The following DENND2B variants were observed in gnomAD, a reference collection of about 807,000 sequenced individuals.
DENND2B encodes the protein DENN domain-containing protein 2B.
DENND2B carries 32 observed loss-of-function variants against 116.0 expected under a neutral mutation model. The observed-to-expected ratio is 0.28, with a 90% confidence interval of 0.21 to 0.37. The LOEUF (loss-of-function observed/expected upper bound fraction) is 0.37, where lower values mean the gene tolerates loss of function less well. Ranked by LOEUF, DENND2B falls within the 10% of genes least tolerant of loss-of-function variation. The probability of loss-of-function intolerance (pLI) is 1.00; values close to 1 mark genes in which losing one functional copy is unlikely to be tolerated. For missense variants in DENND2B, 1,276 were observed against 1,477.7 expected, an observed-to-expected ratio of 0.86 and a Z score of 2.24; for synonymous variants, 588 against 583.9, an observed-to-expected ratio of 1.01 and a Z score of -0.10.
chr11:8,841,058 C>A (rs2062606499), intron 3 of DENND2B, among the ~76,000 whole-genome samples: 1 of 152,170 alleles, frequency 6.6e-6, no homozygotes, highest in South Asian at 2.1e-4. Context: ...CCCAAACTGA[C>A]AAATATCAAG....
At chr11:8,726,233 C>A in intron 3 of DENND2B, 24 bp from the exon 4 acceptor site, 2 of 1,591,334 alleles carry the variant, frequency 1.3e-6, no homozygotes, top group South Asian at 2.3e-5. Flanking sequence ...GAGCAAGAGT[C>A]ATTCCTGCTG....
chr11:8,765,257 G>A (rs565025430), intron 1 of DENND2B, among the ~76,000 whole-genome samples: 88 of 152,284 alleles, frequency 5.8e-4, no homozygotes, highest in African/African-American at 1.9e-3. Flanking sequence ...GATGATGACC[G>A]AACTTGCCTC....
At chr11:8,709,955 A>G (rs1452884641) in intron 11 of DENND2B, among the ~76,000 whole-genome samples, 1 of 152,146 alleles carries the variant, frequency 6.6e-6, no homozygotes, top group Non-Finnish European at 1.5e-5. Flanking sequence ...TCATCTTTAT[A>G]TGAGCACGTG....
At chr11:8,708,643 G>C (rs985636510) in intron 11 of DENND2B, among the ~76,000 whole-genome samples, 6 of 152,168 alleles carry the variant, frequency 3.9e-5, no homozygotes, top group African/African-American at 1.4e-4. Flanking sequence ...AGGAGCAAAA[G>C]AAGAATGGGA....
intron 2 of DENND2B, among the ~76,000 whole-genome samples, chr11:8,734,417 T>C (rs903328481): frequency 6.6e-6 from 1 of 152,158 alleles, no homozygotes; most frequent in African/African-American, 2.4e-5. Context: ...TAGCCACTTA[T>C]AAGCTTCATG....
At chr11:8,750,145 G>A (rs920252429) in intron 2 of DENND2B, among the ~76,000 whole-genome samples, 2 of 152,216 alleles carry the variant, frequency 1.3e-5, no homozygotes, top group Non-Finnish European at 2.9e-5. Context: ...TTGGTAAGTG[G>A]TTAGAACCTG....
At chr11:8,886,697 C>T (rs913041076) in intron 1 of DENND2B, among the ~76,000 whole-genome samples, 2 of 151,378 alleles carry the variant, frequency 1.3e-5, no homozygotes, top group Admixed American at 6.6e-5. Flanking sequence ...GTGGTCTGTC[C>T]GTCACTTTTA....
upstream of DENND2B, among the ~76,000 whole-genome samples, chr11:8,815,327 G>A (rs2061531719): frequency 6.6e-6 from 1 of 152,152 alleles, no homozygotes; most frequent in Non-Finnish European, 1.5e-5. Flanking sequence ...GAACACTACA[G>A]TCTGGTGGAA....
At chr11:8,889,389 A>C (rs1358274762) in intron 1 of DENND2B, among the ~76,000 whole-genome samples, 3 of 152,216 alleles carry the variant, frequency 2.0e-5, no homozygotes, top group Non-Finnish European at 1.5e-5. Flanking sequence ...CTTGTCAGAC[A>C]GTGGGTGCAG....
chr11:8,900,478 G>T (rs1156303623), intron 1 of DENND2B, among the ~76,000 whole-genome samples: 2 of 149,490 alleles, frequency 1.3e-5, no homozygotes, highest in African/African-American at 4.9e-5. Flanking sequence ...GTGTGCCTGT[G>T]GTCCCAGCTA....
At chr11:8,873,611 T>A (rs1000421621), upstream of DENND2B, among the ~76,000 whole-genome samples, 2 of 152,244 alleles carry the variant, frequency 1.3e-5, no homozygotes, top group Admixed American at 1.3e-4. Context: ...TAATTTGCGT[T>A]AACGTAATGT....
chr11:8,837,084 G>C (rs968763034), intron 4 of DENND2B, among the ~76,000 whole-genome samples: 1 of 151,958 alleles, frequency 6.6e-6, no homozygotes, highest in Non-Finnish European at 1.5e-5. Context: ...TTTGGAGATT[G>C]TCTTTGTCCA....
chr11:8,736,613 A>G (rs1592939825), intron 2 of DENND2B, among the ~76,000 whole-genome samples: 1 of 152,206 alleles, frequency 6.6e-6, no homozygotes, highest in Non-Finnish European at 1.5e-5. Context: ...CAGGGGACAC[A>G]TGAACACAAC....
At chr11:8,758,832 GT>G (rs2054074447) in intron 1 of DENND2B, among the ~76,000 whole-genome samples, 1 of 152,188 alleles carries the variant, frequency 6.6e-6, no homozygotes, top group African/African-American at 2.4e-5. Flanking sequence ...CAGCAGGTAA[GT>G]GTCGCAGCTC....
At chr11:8,881,677 CA>C (rs2063905220) in intron 1 of DENND2B, among the ~76,000 whole-genome samples, 1 of 152,038 alleles carries the variant, frequency 6.6e-6, no homozygotes, top group Non-Finnish European at 1.5e-5. Flanking sequence ...CTGGGATTAA[CA>C]AGCGCCTGCC....
At chr11:8,868,049 A>G (rs898658282) in intron 2 of DENND2B, among the ~76,000 whole-genome samples, 1 of 152,208 alleles carries the variant, frequency 6.6e-6, no homozygotes, top group Non-Finnish European at 1.5e-5. Context: ...ATGGGGGAAC[A>G]TAAAGGACAA....
intron 16 of DENND2B, among the ~76,000 whole-genome samples, chr11:8,698,214 G>A (rs1181600343): frequency 6.9e-6 from 1 of 144,546 alleles, no homozygotes; most frequent in Non-Finnish European, 1.5e-5. Context: ...ACCAGGACCA[G>A]CCAGGGGTTC....
intron 4 of DENND2B, among the ~76,000 whole-genome samples, chr11:8,721,857 G>A (rs757179969): frequency 2.0e-5 from 3 of 152,206 alleles, no homozygotes; most frequent in Non-Finnish European, 2.9e-5. Context: ...CCCGGTCCCC[G>A]GCTTGCATCC....
intron 4 of DENND2B, among the ~76,000 whole-genome samples, chr11:8,819,448 T>C (rs1213288266): frequency 6.6e-6 from 1 of 152,058 alleles, no homozygotes; most frequent in Non-Finnish European, 1.5e-5. Context: ...AACCTCAAAG[T>C]ATCTCTCCCA....
Sources: gnomAD v4.1 joint callset for allele counts (sites outside exome capture counted in the v4.1 genomes callset) on GRCh38, gnomAD v4.1.1 for gene constraint, MANE v1.5 for transcripts, NCBI Gene and HGNC (gene_info 2026-07-23, HGNC 2026-07-21) for gene names.